ELMO1: variants seen among roughly 807,000 people sequenced by gnomAD.
ELMO1 encodes engulfment and cell motility protein 1.
A neutral mutation model predicts 98.9 loss-of-function variants in ELMO1; 26 were observed. The observed-to-expected ratio is 0.26, with a 90% CI of 0.19 to 0.36. ELMO1 has a LOEUF of 0.36. Ranked by LOEUF, ELMO1 falls within the 10% of genes least tolerant of loss-of-function variation. The pLI is 1.00. For synonymous variants in ELMO1, 346 were observed against 346.0 expected (o/e 1.00, Z 0.00); for missense variants, 627 against 935.2 (o/e 0.67, Z 4.30).
rs147637152 is a variant in ELMO1, at chr7:37,286,651, T to C, written c.193-14769A>G. On this transcript the variant is annotated intron_variant, in intron 4 of 21. Transcript: ENST00000310758. ...CACACTCCAAAAGAAATGGAAAATC[T>C]GCCAAAGAAGGAGGGAGAGAAGGGA... Among the ~76,000 whole-genome samples, 70 of 152,202 alleles carry C rather than the reference T, an allele frequency of 4.6e-4. No homozygotes were observed. In the East Asian group the frequency reaches 9.1e-3, roughly 20 times the overall value.
intron 16 of ELMO1, among the ~76,000 whole-genome samples, chr7:37,001,313 T>G (rs916845230): frequency 6.6e-6 from 1 of 152,204 alleles, no homozygotes; most frequent in Non-Finnish European, 1.5e-5. Flanking sequence ...ACGGTGTATA[T>G]GAATTCAGCT....
intron 16 of ELMO1, among the ~76,000 whole-genome samples, chr7:36,923,209 A>G (rs1785282330): frequency 2.0e-5 from 3 of 152,214 alleles, no homozygotes; most frequent in Admixed American, 1.3e-4. Flanking sequence ...TAATTAAAGG[A>G]AAGGAGGAAA....
chr7:36,933,526 C>G (rs965246664), intron 16 of ELMO1, among the ~76,000 whole-genome samples: 1 of 152,160 alleles, frequency 6.6e-6, no homozygotes, highest in Admixed American at 6.5e-5. Context: ...GTGAAATACT[C>G]TCTGCACTTG....
intron 15 of ELMO1, among the ~76,000 whole-genome samples, chr7:37,079,702 T>G (rs1417657652): frequency 6.6e-6 from 1 of 152,124 alleles, no homozygotes; most frequent in Non-Finnish European, 1.5e-5. Context: ...CATATGACAC[T>G]GCAATCTCTC....
chr7:37,319,774 C>T (rs1301404363), intron 2 of ELMO1, among the ~76,000 whole-genome samples: 2 of 152,162 alleles, frequency 1.3e-5, no homozygotes, highest in Non-Finnish European at 2.9e-5. Context: ...TCTTCCACAA[C>T]CTCTCTCCCT....
At chr7:37,220,198 C>A (rs149996394) in intron 10 of ELMO1, among the ~76,000 whole-genome samples, 79 of 152,194 alleles carry the variant, frequency 5.2e-4, no homozygotes, top group Non-Finnish European at 6.0e-4. Context: ...TCGCTACTCA[C>A]TGAAATTTTT....
intron 14 of ELMO1, among the ~76,000 whole-genome samples, chr7:37,126,884 C>T (rs528967718): frequency 5.3e-4 from 80 of 152,264 alleles, no homozygotes; most frequent in Non-Finnish European, 9.1e-4. Flanking sequence ...CTTTTTAGCG[C>T]CTAAGAAGAT....
intron 16 of ELMO1, among the ~76,000 whole-genome samples, chr7:36,945,010 G>A (rs894313940): frequency 1.3e-5 from 2 of 152,146 alleles, no homozygotes; most frequent in African/African-American, 2.4e-5. Context: ...CCTTTCCAAC[G>A]CCTGCTGACT....
At chr7:37,180,527 T>C (rs1321962366) in intron 13 of ELMO1, among the ~76,000 whole-genome samples, 1 of 152,166 alleles carries the variant, frequency 6.6e-6, no homozygotes, top group East Asian at 1.9e-4. Flanking sequence ...GAAAGACAGC[T>C]AAATCCGCAC....
At chr7:37,195,613 G>T (rs1438507494) in intron 13 of ELMO1, among the ~76,000 whole-genome samples, 2 of 152,248 alleles carry the variant, frequency 1.3e-5, no homozygotes, top group Non-Finnish European at 2.9e-5. Context: ...GCAGGAATCT[G>T]TGATGCTTTC....
intron 16 of ELMO1, among the ~76,000 whole-genome samples, chr7:37,008,935 C>G (rs73117554): frequency 6.6e-6 from 1 of 152,128 alleles, no homozygotes; most frequent in Non-Finnish European, 1.5e-5. Flanking sequence ...TTTAATTAAT[C>G]TGTGGTGCGG....
At chr7:37,130,714 T>G (rs568089504) in intron 14 of ELMO1, among the ~76,000 whole-genome samples, 2 of 151,806 alleles carry the variant, frequency 1.3e-5, no homozygotes, top group African/African-American at 4.8e-5. Context: ...TACCTGGGAG[T>G]GACAAGGGCA....
At chr7:37,067,351 T>G (rs1204422093) in intron 15 of ELMO1, among the ~76,000 whole-genome samples, 1 of 152,214 alleles carries the variant, frequency 6.6e-6, no homozygotes, top group African/African-American at 2.4e-5. Flanking sequence ...CTCACTACTT[T>G]TCAGGTCTGT....
intron 16 of ELMO1, among the ~76,000 whole-genome samples, chr7:36,956,877 T>C (rs7782153): frequency 0.23 from 35,679 of 152,084 alleles, 5,768 homozygotes; most frequent in African/African-American, 0.46. Flanking sequence ...GGAAAGCACG[T>C]GTTGATTGCC....
At position 36,891,127 on chromosome 7, in the gene ELMO1, T is replaced by C. The variant is rs557414936; in HGVS notation, c.1602-3455A>G. Among the ~76,000 whole-genome samples, 6 of 152,386 alleles carry C rather than the reference T, an allele frequency of 3.9e-5. No homozygotes were observed. In the South Asian group the frequency reaches 1.2e-3, roughly 32 times the overall value. On this transcript the variant is annotated intron_variant, in intron 17 of 21. Coordinates refer to ENST00000310758, the MANE Select transcript of ELMO1 (RefSeq NM_014800.11). ...CTGCACTCTATTTCCCTTATCTTGC[T>C]TTGTGTCTCCACTGCATGTATCTCC... is the stretch of plus-strand genomic sequence containing the variant.
chr7:36,936,901 C>T (rs1278718518), intron 16 of ELMO1, among the ~76,000 whole-genome samples: 3 of 152,206 alleles, frequency 2.0e-5, no homozygotes, highest in Non-Finnish European at 4.4e-5. Flanking sequence ...AGAGTAAGCA[C>T]TGAAAATATG....
intron 4 of ELMO1, among the ~76,000 whole-genome samples, chr7:37,287,445 C>T (rs1290301655): frequency 6.6e-6 from 1 of 152,166 alleles, no homozygotes; most frequent in Non-Finnish European, 1.5e-5. Context: ...CATTAAATAA[C>T]AAGATCTGTT....
intron 13 of ELMO1, among the ~76,000 whole-genome samples, chr7:37,138,389 A>G (rs1243310606): frequency 6.6e-6 from 1 of 152,176 alleles, no homozygotes; most frequent in African/African-American, 2.4e-5. Context: ...AAAATGGGAG[A>G]TATTACAACT....
At chr7:37,222,858 A>G (rs774389814) in intron 9 of ELMO1, among the ~76,000 whole-genome samples, 165 bp from the exon 10 acceptor site, 30 of 152,222 alleles carry the variant, frequency 2.0e-4, no homozygotes, top group Non-Finnish European at 3.8e-4. Context: ...TGCATTTCAA[A>G]CATCACAAGG....
Sources: gnomAD v4.1 joint callset for allele counts (sites outside exome capture counted in the v4.1 genomes callset) on GRCh38, gnomAD v4.1.1 for gene constraint, MANE v1.5 for transcripts, NCBI Gene and HGNC (gene_info 2026-07-23, HGNC 2026-07-21) for gene names.